Variants in EIF4EBP3 observed in about 807,000 individuals in gnomAD.
EIF4EBP3 encodes the protein eukaryotic translation initiation factor 4E-binding protein 3.
A neutral mutation model predicts 12.1 loss-of-function variants in EIF4EBP3; 11 were observed. That is an observed-to-expected ratio of 0.91 (90% CI 0.57 to 1.51). The LOEUF (loss-of-function observed/expected upper bound fraction) is 1.51. EIF4EBP3 is among the 40% of genes most tolerant of loss of function. The pLI is 0.00. For missense variants in EIF4EBP3, 136 were observed against 131.8 expected (o/e 1.03, Z -0.16); for synonymous variants, 43 against 54.2 (o/e 0.79, Z 0.91).
chr5:140,548,511 AC>A (rs2127112505), intron 1 of EIF4EBP3, among the ~76,000 whole-genome samples: 1 of 152,278 alleles, frequency 6.6e-6, no homozygotes, highest in East Asian at 1.9e-4. Context: ...TTCTTGAACC[AC>A]CTGAGGCTGT....
rs1237957407 is a variant in EIF4EBP3, at chr5:140,547,797, C to T, written c.60C>T (p.Tyr20=). ...PGGRDQLPDC[Y]STTPGGTLYA... ...GCCGGGACCAGCTGCCCGACTGCTA[C>T]AGCACCACGCCGGGGGGCACGCTAT... The change falls in exon 1 of 3, where the codon TAC becomes TAT. Residue 20 remains tyrosine (Y), a synonymous_variant. Transcript: ENST00000310331. 1 of 1,533,458 alleles carries T rather than the reference C, an allele frequency of 6.5e-7. No individual in the cohort carries two copies. The highest frequency in any genetic ancestry group is 1.2e-5 in the South Asian group (1 of 82,222). 95.0% of individuals were successfully genotyped at this position (1,533,458 alleles called of 1,614,324 possible). A position where few individuals can be genotyped will look rare whatever the true frequency, so the allele number is the denominator to read the frequency against.
chr5:140,549,395 G>A lies in EIF4EBP3; in HGVS notation c.*133G>A. On this transcript the variant is annotated 3_prime_UTR_variant, in exon 3 of 3. Transcript: ENST00000310331. ...GGAAGGGAGTGACTTGTTAGTTCCA[G>A]GCCTCCTTTAGTTCTGAGGCAGCTA... is the stretch of plus-strand genomic sequence containing the variant. 2.7e-6 allele frequency: 4 copies of A among 1,501,128 alleles called. No individual in the cohort carries two copies. The East Asian group carries it at 9.1e-5, about 34-fold the overall frequency. The allele number at this position is 1,501,128 out of a possible 1,614,324, so 93.0% of individuals were successfully genotyped here.
At position 140,549,277 on chromosome 5, in the gene EIF4EBP3, C is replaced by T; in HGVS notation, c.*15C>T. ...TGGACATCTAATCCAGTGCAGATGACCTGGCATGTGGAGTTACAGAGGGAT... is the reference window on the plus strand; with the variant it reads ...TGGACATCTAATCCAGTGCAGATGATCTGGCATGTGGAGTTACAGAGGGAT... On this transcript the variant is annotated 3_prime_UTR_variant, in exon 3 of 3. Transcript: ENST00000310331. 6.2e-7 allele frequency: 1 copy of T among 1,614,146 alleles called. No individual in the cohort carries two copies. The highest frequency in any genetic ancestry group is 1.3e-5 in the African/African-American group (1 of 75,034).
At chr5:140,549,211 C>G (rs996455651) in intron 2 of EIF4EBP3, 23 bp from the exon 3 acceptor site, 1 of 1,614,198 alleles carries the variant, frequency 6.2e-7, no homozygotes. Context: ...AGCAACCTGT[C>G]TTCCTGCCTT....
intron 1 of EIF4EBP3, 142 bp from the exon 2 acceptor site, chr5:140,548,764 G>T (rs1754448616): frequency 8.4e-7 from 1 of 1,190,236 alleles, no homozygotes; most frequent in African/African-American, 1.6e-5. Flanking sequence ...AACCTAGCTG[G>T]GCTTCAGAGC....
chr5:140,549,384 T>G lies in EIF4EBP3; in HGVS notation c.*122T>G. Reference sequence around the variant, plus strand: ...TCATCTAATCTGGAAGGGAGTGACTTGTTAGTTCCAGGCCTCCTTTAGTTC... The same window carrying G: ...TCATCTAATCTGGAAGGGAGTGACTGGTTAGTTCCAGGCCTCCTTTAGTTC... On this transcript the variant is annotated 3_prime_UTR_variant, in exon 3 of 3. Transcript: ENST00000310331. The G allele has an allele frequency of 6.5e-7, 1 of 1,547,852 alleles. No individual in the cohort carries two copies. The highest frequency in any genetic ancestry group is 8.9e-7 in the Non-Finnish European group (1 of 1,123,994).
At position 140,548,968 on chromosome 5, in the gene EIF4EBP3, A is replaced by ACACCCCCCTG. The variant is rs1018169393; in HGVS notation, c.168_177dup (p.Cys60ThrfsTer37). 6.2e-7 allele frequency: 1 copy of ACACCCCCCTG among 1,613,912 alleles called. No homozygotes were observed. The highest frequency in any genetic ancestry group is 1.3e-5 in the African/African-American group (1 of 74,866). ...GTGCAAGAACTCACCCATTGCCCGG[A>ACACCCCCCTG]CACCCCCCTGCTGCCTCCCTCAGAT... On this transcript the variant is annotated frameshift_variant, in exon 2 of 3. Coordinates refer to ENST00000310331, the MANE Select transcript of EIF4EBP3 (RefSeq NM_003732.3). LOFTEE classifies it high-confidence loss of function.
intron 1 of EIF4EBP3, 52 bp from the exon 2 acceptor site, chr5:140,548,854 C>T: frequency 1.9e-6 from 3 of 1,560,994 alleles, no homozygotes; most frequent in Non-Finnish European, 1.7e-6. Flanking sequence ...GGACCCCAGT[C>T]ACCTCGGTAC....
intron 1 of EIF4EBP3, 36 bp downstream of exon 1, chr5:140,547,876 C>A: frequency 5.9e-6 from 8 of 1,360,144 alleles, no homozygotes; most frequent in African/African-American, 1.5e-5. Flanking sequence ...AGGCTGCGGA[C>A]ATATTAGCGC....
At chr5:140,548,881 T>G (rs1754456701) in intron 1 of EIF4EBP3, 25 bp from the exon 2 acceptor site, 1 of 1,602,862 alleles carries the variant, frequency 6.2e-7, no homozygotes, top group Non-Finnish European at 8.5e-7. Flanking sequence ...TCCTGACTCT[T>G]ACCTCAGTCC....
chr5:140,547,877 A>G (rs971559251), intron 1 of EIF4EBP3, 37 bp downstream of exon 1: 4 of 1,383,394 alleles, frequency 2.9e-6, no homozygotes, highest in East Asian at 3.0e-5. Context: ...GGCTGCGGAC[A>G]TATTAGCGCG....
chr5:140,549,535 G>C lies in EIF4EBP3; in HGVS notation c.*273G>C. 1 of 542,138 alleles carries C rather than the reference G, an allele frequency of 1.8e-6. No homozygotes were observed. The highest frequency in any genetic ancestry group is 3.3e-6 in the Non-Finnish European group (1 of 300,230). 33.6% of individuals were successfully genotyped at this position (542,138 alleles called of 1,614,324 possible). A position where few individuals can be genotyped will look rare whatever the true frequency, so the allele number is the denominator to read the frequency against. ...GCTCAGGGGCTGGAACTGGGGAATG[G>C]AGTAAGTCACCTTCTGACTGCTTAG... On this transcript the variant is annotated 3_prime_UTR_variant, in exon 3 of 3. Transcript: ENST00000310331.
chr5:140,547,991 C>T, intron 1 of EIF4EBP3, 151 bp downstream of exon 1: 1 of 634,344 alleles, frequency 1.6e-6, no homozygotes, highest in East Asian at 3.5e-5. Flanking sequence ...GGAGCGGAAG[C>T]TCAGTTCCCA....
Position 140,547,813 on chromosome 5 carries a change from G to A in EIF4EBP3, c.76G>A (p.Gly26Ser). The A allele has an allele frequency of 1.3e-6, 2 of 1,522,262 alleles. No individual in the cohort carries two copies. Among genetic ancestry groups the A allele is most frequent in the Non-Finnish European group, 1.8e-6 (2 of 1,132,384 alleles). 94.3% of individuals were successfully genotyped at this position (1,522,262 alleles called of 1,614,324 possible). A position where few individuals can be genotyped will look rare whatever the true frequency, so the allele number is the denominator to read the frequency against. ...LPDCYSTTPGGTLYATTPGGT... is the reference protein window; with the variant it reads ...LPDCYSTTPGSTLYATTPGGT... ...CGACTGCTACAGCACCACGCCGGGG[G>A]GCACGCTATACGCCACTACCCCCGG... is the stretch of plus-strand genomic sequence containing the variant. Residue 26 changes from glycine (G) to serine (S), a missense_variant, in exon 1 of 3, where the codon GGC (glycine) becomes AGC (serine). Coordinates refer to ENST00000310331, the MANE Select transcript of EIF4EBP3 (RefSeq NM_003732.3).
chr5:140,548,734 A>G (rs762508622), intron 1 of EIF4EBP3, among the ~76,000 whole-genome samples, 172 bp from the exon 2 acceptor site: 9 of 152,138 alleles, frequency 5.9e-5, no homozygotes, highest in Admixed American at 1.3e-4. Flanking sequence ...TTTAAGCACT[A>G]TGAAGGCTTG....
At chr5:140,548,192 TGGA>T (rs1202479524) in intron 1 of EIF4EBP3, among the ~76,000 whole-genome samples, 1 of 152,124 alleles carries the variant, frequency 6.6e-6, no homozygotes, top group African/African-American at 2.4e-5. Flanking sequence ...TCTTGAGAAG[TGGA>T]GTAGTTAGAA....
At chr5:140,547,913 G>A in intron 1 of EIF4EBP3, 73 bp downstream of exon 1, 1 of 1,248,512 alleles carries the variant, frequency 8.0e-7, no homozygotes, top group Admixed American at 3.4e-5. Context: ...GGCGGGGGTA[G>A]GGGAGGGACA....
In EIF4EBP3 at chr5:140,549,459, C is replaced by A. The variant is rs372673389; in HGVS notation, c.*197C>A. 159 of 761,232 alleles carry A rather than the reference C, an allele frequency of 2.1e-4. No individual in the cohort carries two copies. In the African/African-American group the frequency reaches 2.6e-3, roughly 12 times the overall value. The allele number at this position is 761,232 out of a possible 1,614,324, so 47.2% of individuals were successfully genotyped here. On this transcript the variant is annotated 3_prime_UTR_variant, in exon 3 of 3. Transcript: ENST00000310331. ...AGTGGGCAACTTGCCAAGCCCTTAA[C>A]TCTACTTCCTCTTCAGTCTGTGGTA...
exon 3 of EIF4EBP3, chr5:140,549,552 ACTGCTTAGTAAACATTCAAAGAAATG>A: frequency 2.0e-6 from 1 of 496,846 alleles, no homozygotes; most frequent in South Asian, 2.2e-5. Flanking sequence ...TCACCTTCTG[ACTGCTTAGTAAACATTCAAAGAAATG>A]CCTTGGCTCC....
Sources: gnomAD v4.1 joint callset for allele counts (sites outside exome capture counted in the v4.1 genomes callset) on GRCh38, gnomAD v4.1.1 for gene constraint, MANE v1.5 for transcripts, NCBI Gene and HGNC (gene_info 2026-07-23, HGNC 2026-07-21) for gene names.